Variants in ACAN observed in about 807,000 individuals in gnomAD.
ACAN encodes aggrecan.
Under a neutral mutation model 169.1 loss-of-function variants are expected in ACAN, and 47 were observed. The ratio of observed to expected loss-of-function variants is 0.28; its 90% confidence interval spans 0.22 to 0.35. The LOEUF is 0.35. ACAN is among the 10% of genes least tolerant of loss of function. The pLI, the probability that ACAN is intolerant of heterozygous loss-of-function variation, is 1.00. For missense variants in ACAN, 2,716 were observed against 2,759.9 expected, an observed-to-expected ratio of 0.98 and a Z score of 0.36; for synonymous variants, 1,115 against 1,112.2, an observed-to-expected ratio of 1.00 and a Z score of -0.05.
In ACAN at chr15:88,838,450, CA is replaced by C. The variant is rs1173661599; in HGVS notation, c.71-212del. Among the ~76,000 whole-genome samples the C allele has an allele frequency of 3.3e-5, 5 of 151,984 alleles. No individual in the cohort carries two copies. The highest frequency in any genetic ancestry group is 1.2e-4 in the African/African-American group (5 of 41,322). Reference sequence around the variant, plus strand: ...AGTTTCTGTCTCGAGATGCAGAGGCCAGGGGTCTTGAGGAACACTGCTCTGG... The same window carrying C: ...AGTTTCTGTCTCGAGATGCAGAGGCCGGGGTCTTGAGGAACACTGCTCTGG... On this transcript the variant is annotated intron_variant, in intron 2 of 18. Transcript: ENST00000560601. This position sits in a 1 kb window ranked among gnomAD's most constrained non-coding sequence, Gnocchi z 5.1.
At chr15:88,815,561 G>GAAA (rs11291752) in intron 1 of ACAN, among the ~76,000 whole-genome samples, 1 of 100,512 alleles carries the variant, frequency 9.9e-6, no homozygotes, top group Non-Finnish European at 2.1e-5. Flanking sequence ...TCCAACTCAA[G>GAAA]AAAAAAAAAA....
At position 88,871,573 on chromosome 15, in the gene ACAN, G is replaced by A; in HGVS notation, c.7219+33G>A. On this transcript the variant is annotated intron_variant, in intron 15 of 18. Coordinates refer to ENST00000560601, the MANE Select transcript of ACAN (RefSeq NM_001369268.1). The surrounding 1 kb of genome is among the most constrained non-coding windows in gnomAD (Gnocchi z 7.8). ...CGGCGGGGCCTCTGGAGCCTGAGAGGAGAGTGGCGGTGTAGGCAAAGGGCC... is the reference window on the plus strand; with the variant it reads ...CGGCGGGGCCTCTGGAGCCTGAGAGAAGAGTGGCGGTGTAGGCAAAGGGCC... 6.3e-7 allele frequency: 1 copy of A among 1,585,740 alleles called. No individual in the cohort carries two copies. Among genetic ancestry groups the A allele is most frequent in the Non-Finnish European group, 8.6e-7 (1 of 1,166,250 alleles).
rs1472286074 is a variant in ACAN at position 88,851,818 on chromosome 15, G to C, written c.2051G>C (p.Gly684Ala). 3 of 1,604,152 alleles carry C rather than the reference G, an allele frequency of 1.9e-6. No homozygotes were observed. The highest frequency in any genetic ancestry group is 2.6e-6 in the Non-Finnish European group (3 of 1,175,434). Residue 684 changes from glycine to alanine, a missense_variant, in exon 11 of 19, where the codon GGA becomes GCA. Coordinates refer to ENST00000560601, the MANE Select transcript of ACAN (RefSeq NM_001369268.1). The surrounding 1 kb of genome is among the most constrained non-coding windows in gnomAD (Gnocchi z 4.3). ...GGCATTTCAGCGGTTCCTTCTCCAG[G>C]AGAAGAAGAGGGTGGCACACCCACA... ...FRGISAVPSP[G>A]EEEGGTPTSP...
intron 1 of ACAN, among the ~76,000 whole-genome samples, chr15:88,820,906 G>A (rs1896059943): frequency 6.6e-6 from 1 of 152,164 alleles, no homozygotes; most frequent in Non-Finnish European, 1.5e-5. Flanking sequence ...ATGACTCACA[G>A]TTTAGCACAG....
rs1340612006 is a variant in ACAN at position 88,871,284 on chromosome 15, G to A, written c.7061-98G>A. ...TTCCCTTGAGGGCACAGCATGGAAGGTGGGGTGAACGCAGGAACCTATGCC... is the reference window on the plus strand; with the variant it reads ...TTCCCTTGAGGGCACAGCATGGAAGATGGGGTGAACGCAGGAACCTATGCC... On this transcript the variant is annotated intron_variant, in intron 14 of 18. Coordinates refer to ENST00000560601, the MANE Select transcript of ACAN (RefSeq NM_001369268.1). The surrounding 1 kb of genome is among the most constrained non-coding windows in gnomAD (Gnocchi z 7.8). 2 of 1,525,184 alleles carry A rather than the reference G, an allele frequency of 1.3e-6. No homozygotes were observed. Among genetic ancestry groups the A allele is most frequent in the Non-Finnish European group, 1.8e-6 (2 of 1,121,896 alleles). The allele number at this position is 1,525,184 out of a possible 1,614,324, so 94.5% of individuals were successfully genotyped here. A position where few individuals can be genotyped will look rare whatever the true frequency, so the allele number is the denominator to read the frequency against.
intron 1 of ACAN, among the ~76,000 whole-genome samples, chr15:88,809,128 A>G (rs1895758102): frequency 6.6e-6 from 1 of 152,228 alleles, no homozygotes; most frequent in Non-Finnish European, 1.5e-5. Flanking sequence ...TGTTATTAGT[A>G]TATTTGAGGC....
In ACAN at chr15:88,807,691, G is replaced by C. The variant is rs940421867; in HGVS notation, c.-8+3882G>C. Among the ~76,000 whole-genome samples, 3 of 151,966 alleles carry C rather than the reference G, an allele frequency of 2.0e-5. No homozygotes were observed. The highest frequency in any genetic ancestry group is 7.3e-5 in the African/African-American group (3 of 41,362). ...TTTTCAAAAGTTGAATCCAGGGCAA[G>C]AACGGAAACGGTGGAGTTTACTTTT... On this transcript the variant is annotated intron_variant, in intron 1 of 18. Coordinates refer to ENST00000560601, the MANE Select transcript of ACAN (RefSeq NM_001369268.1). This position sits in a 1 kb window ranked among gnomAD's most constrained non-coding sequence, Gnocchi z 4.0.
intron 1 of ACAN, among the ~76,000 whole-genome samples, chr15:88,819,125 C>T (rs1475372080): frequency 6.6e-6 from 1 of 152,134 alleles, no homozygotes; most frequent in Non-Finnish European, 1.5e-5. Context: ...ATAATCCGGA[C>T]AGCCTTGCAG....
intron 13 of ACAN, 61 bp downstream of exon 13, chr15:88,860,500 C>T (rs1897173510): frequency 6.8e-7 from 1 of 1,463,376 alleles, no homozygotes; most frequent in East Asian, 2.4e-5. Context: ...TTCTTCATCC[C>T]CCAAAGGGTC....
At chr15:88,836,879 TC>T (rs1473677966) in intron 2 of ACAN, among the ~76,000 whole-genome samples, 1 of 152,202 alleles carries the variant, frequency 6.6e-6, no homozygotes. Context: ...AGGTATGTCT[TC>T]CCCAGGCCCA....
Position 88,869,420 on chromosome 15 carries a change from A to G in ACAN, c.7060+1091A>G, listed in dbSNP as rs772282973. Among the ~76,000 whole-genome samples, 13 of 152,082 alleles carry G rather than the reference A, an allele frequency of 8.5e-5. No individual in the cohort carries two copies. Among genetic ancestry groups the G allele is most frequent in the Non-Finnish European group, 1.6e-4 (11 of 68,008 alleles). On this transcript the variant is annotated intron_variant, in intron 14 of 18. Transcript: ENST00000560601. This position sits in a 1 kb window ranked among gnomAD's most constrained non-coding sequence, Gnocchi z 4.2. ...AGGTTACAGACTGGTAGAGGAACTT[A>G]AGACTTTTGGGAAAAAAAAGGCCTG...
chr15:88,849,458 C>A lies in ACAN; in HGVS notation c.1753C>A (p.Arg585Ser), dbSNP rs144501729. Reference protein sequence around the residue: ...RLEGEVFFATRLEQFTFQEAL... With the variant: ...RLEGEVFFATSLEQFTFQEAL... ...CCCAGGGGAGGTGTTCTTCGCCACA[C>A]GCCTTGAGCAGTTCACCTTCCAGGA... Residue 585 changes from arginine (R) to serine (S), a missense_variant, in exon 10 of 19, where the codon CGC (arginine) becomes AGC (serine). By Grantham distance (110) the Arg-to-Ser change is moderately radical. Coordinates refer to ENST00000560601, the MANE Select transcript of ACAN (RefSeq NM_001369268.1). The surrounding 1 kb of genome is among the most constrained non-coding windows in gnomAD (Gnocchi z 5.1). 9,898 of 1,596,588 alleles carry A rather than the reference C, an allele frequency of 6.2e-3. 608 individuals are homozygous for A. The South Asian group carries it at 0.098, about 16-fold the overall frequency.
chr15:88,809,373 C>G (rs1473715542), intron 1 of ACAN, among the ~76,000 whole-genome samples: 1 of 152,122 alleles, frequency 6.6e-6, no homozygotes, highest in Admixed American at 6.5e-5. Context: ...ACCTCTCAGC[C>G]TCAGGTTCTT....
At position 88,860,359 on chromosome 15, in the gene ACAN, G is replaced by T. The variant is rs781579675; in HGVS notation, c.6866G>T (p.Gly2289Val). ...PARSCAEEPC[G>V]AGTCKETEGH... Reference sequence around the variant, plus strand: ...AGGTCCTGTGCAGAGGAGCCCTGTGGAGCTGGGACCTGCAAGGAGACAGAG... The same window carrying T: ...AGGTCCTGTGCAGAGGAGCCCTGTGTAGCTGGGACCTGCAAGGAGACAGAG... Residue 2289 changes from glycine (G) to valine (V), a missense_variant, in exon 13 of 19, where the codon GGA (glycine) becomes GTA (valine). Gly to Val is a moderately radical substitution (Grantham distance 109). This residue lies in a region of ACAN where 1,389 missense variants were observed against 1,363.7 expected (regional missense o/e 1.02). Coordinates refer to ENST00000560601, the MANE Select transcript of ACAN (RefSeq NM_001369268.1). 4 of 1,613,296 alleles carry T rather than the reference G, an allele frequency of 2.5e-6. No homozygotes were observed. The highest frequency in any genetic ancestry group is 1.7e-5 in the Admixed American group (1 of 59,944).
chr15:88,859,948 G>A (rs553803708), intron 12 of ACAN, among the ~76,000 whole-genome samples: 1 of 152,106 alleles, frequency 6.6e-6, no homozygotes, highest in East Asian at 1.9e-4. Flanking sequence ...TGGCTATCTG[G>A]TTTTAGATTC....
Position 88,855,422 on chromosome 15 carries a change from G to C in ACAN, c.2837G>C (p.Gly946Ala), listed in dbSNP as rs528876577. 1.9e-6 allele frequency: 3 copies of C among 1,613,622 alleles called. No individual in the cohort carries two copies. The highest frequency in any genetic ancestry group is 1.7e-5 in the Admixed American group (1 of 60,004). ...ELPSGAEILE[G>A]SASGVGDLSG... ...CCCTCTGGAGCTGAGATCCTAGAGG[G>C]CTCTGCCTCTGGAGTTGGGGATCTC... Residue 946 changes from glycine (G) to alanine (A), a missense_variant, in exon 12 of 19, where the codon GGC becomes GCC. Coordinates refer to ENST00000560601, the MANE Select transcript of ACAN (RefSeq NM_001369268.1).
intron 13 of ACAN, among the ~76,000 whole-genome samples, chr15:88,862,998 A>C (rs1478640877): frequency 1.2e-5 from 1 of 81,316 alleles, no homozygotes; most frequent in African/African-American, 7.9e-5. Flanking sequence ...ACTCGGTCTC[A>C]AAAAAAAAAA....
chr15:88,834,893 C>G (rs1209764542), intron 1 of ACAN, among the ~76,000 whole-genome samples: 2 of 152,174 alleles, frequency 1.3e-5, no homozygotes. Context: ...GAGCACTGCT[C>G]TGGTGGGTCT....
At chr15:88,864,756 T>C (rs541891684) in intron 13 of ACAN, among the ~76,000 whole-genome samples, 2 of 152,196 alleles carry the variant, frequency 1.3e-5, no homozygotes, top group Non-Finnish European at 2.9e-5. Context: ...TTATCTGTAT[T>C]TCTTAAGAGG....
Sources: gnomAD v4.1 joint callset for allele counts (sites outside exome capture counted in the v4.1 genomes callset) on GRCh38, gnomAD v4.1.1 for gene constraint, gnomAD v4.1.1 regional missense constraint, Gnocchi (gnomAD v3.1) non-coding constraint, MANE v1.5 for transcripts, NCBI Gene and HGNC (gene_info 2026-07-23, HGNC 2026-07-21) for gene names.